NOP2: variants seen among roughly 807,000 people sequenced by gnomAD.
NOP2 encodes the protein 28S rRNA (cytosine(4447)-C(5))-methyltransferase.
In NOP2, 7 loss-of-function variants were observed where a neutral mutation model predicts 72.7. The observed-to-expected ratio is 0.10, with a 90% CI of 0.05 to 0.18. The LOEUF (loss-of-function observed/expected upper bound fraction) is 0.18. Ranked by LOEUF, NOP2 falls within the 10% of genes least tolerant of loss-of-function variation. The probability of loss-of-function intolerance (pLI) is 1.00; values close to 1 mark genes in which losing one functional copy is unlikely to be tolerated. For missense variants in NOP2, 954 were observed against 1,014.7 expected, an observed-to-expected ratio of 0.94 and a Z score of 0.81; for synonymous variants, 387 against 388.0, an observed-to-expected ratio of 1.00 and a Z score of 0.03.
intron 5 of NOP2, 110 bp downstream of exon 5, chr12:6,565,991 C>T (rs1473036087): frequency 1.1e-6 from 1 of 884,110 alleles, no homozygotes; most frequent in Non-Finnish European, 1.8e-6. Flanking sequence ...ACAAAAACCC[C>T]TTTCCTCTAG....
intron 15 of NOP2, among the ~76,000 whole-genome samples, chr12:6,559,505 C>A (rs531583926): frequency 6.6e-6 from 1 of 152,326 alleles, no homozygotes; most frequent in East Asian, 1.9e-4. Flanking sequence ...GGATTACAGG[C>A]ATGAGCCACC....
At position 6,568,212 on chromosome 12, in the gene NOP2, T is replaced by C; in HGVS notation, c.-10A>G. On this transcript the variant is annotated 5_prime_UTR_variant, in exon 1 of 16. Transcript: ENST00000322166. ...CCAATTTCCTCTAGACCCACCAGAATGCGGGTTAATGTCCGAGAGTGCCCT... is the reference window on the plus strand; with the variant it reads ...CCAATTTCCTCTAGACCCACCAGAACGCGGGTTAATGTCCGAGAGTGCCCT... The C allele has an allele frequency of 2.8e-6, 1 of 361,106 alleles. No individual in the cohort carries two copies. Among genetic ancestry groups the C allele is most frequent in the Non-Finnish European group, 5.1e-6 (1 of 197,534 alleles). The allele number at this position is 361,106 out of a possible 1,614,324, so 22.4% of individuals were successfully genotyped here.
At chr12:6,559,422 C>T (rs745650062) in intron 15 of NOP2, among the ~76,000 whole-genome samples, 1 of 152,064 alleles carries the variant, frequency 6.6e-6, no homozygotes. Flanking sequence ...CCTGGCCACA[C>T]CCAGCTAATT....
chr12:6,557,433 C>T lies in NOP2; in HGVS notation c.1999G>A (p.Val667Ile). The T allele has an allele frequency of 6.2e-7, 1 of 1,614,018 alleles. No homozygotes were observed. The stretch of plus-strand genomic sequence containing the variant: ...CTGGAGGAAGCTTGGGTCTTTGTGA[C>T]AGAAGGTACAGTGGACAATTCTGAG... Reference protein sequence around the residue: ...ADSELSTVPSVTKTQASSSFQ... With the variant: ...ADSELSTVPSITKTQASSSFQ... Residue 667 changes from valine to isoleucine, a missense_variant, in exon 16 of 16, where the codon GTC (valine) becomes ATC (isoleucine). This residue lies in a region of NOP2 where 269 missense variants were observed against 260.2 expected (regional missense o/e 1.03). Transcript: ENST00000322166.
At chr12:6,558,264 GT>G in intron 15 of NOP2, 1 of 273,168 alleles carries the variant, frequency 3.7e-6, no homozygotes, top group Non-Finnish European at 7.2e-6. Context: ...GATTCTCAGG[GT>G]TTTGGGGTTT....
At position 6,563,356 on chromosome 12, in the gene NOP2, A is replaced by T; in HGVS notation, c.847T>A (p.Phe283Ile). 1 of 1,602,382 alleles carries T rather than the reference A, an allele frequency of 6.2e-7. No homozygotes were observed. Among genetic ancestry groups the T allele is most frequent in the Non-Finnish European group, 8.5e-7 (1 of 1,174,494 alleles). The change falls in exon 8 of 16, where the codon TTC becomes ATC. Residue 283 changes from phenylalanine to isoleucine, a missense_variant. Around this residue, in one of 3 missense-constraint regions of NOP2, gnomAD observed 498 missense variants for 478.3 expected, o/e 1.04. Transcript: ENST00000322166. Reference sequence around the variant, plus strand: ...AGGTCCATGAGCTTGCCAAGCAGGAAGTCTCCATAGGAGTAGTAAATGGCC... The same window carrying T: ...AGGTCCATGAGCTTGCCAAGCAGGATGTCTCCATAGGAGTAGTAAATGGCC... ...DLAIYYSYGD[F>I]LLGKLMDLFP...
Position 6,567,808 on chromosome 12 carries a change from A to C in NOP2, c.103+8T>G, listed in dbSNP as rs763042640. 1 of 1,612,318 alleles carries C rather than the reference A, an allele frequency of 6.2e-7. No individual in the cohort carries two copies. Among genetic ancestry groups the C allele is most frequent in the East Asian group, 2.2e-5 (1 of 44,874 alleles). On this transcript the variant is annotated splice_region_variant and intron_variant, in intron 2 of 15. Transcript: ENST00000322166. The stretch of plus-strand genomic sequence containing the variant: ...CTGAGGGATCAGGAGGCCACAACTA[A>C]TCCTTACCTGCAGGCAAGAATCTGA...
rs1398980166 is a variant in NOP2, at chr12:6,556,950, C to G, written c.*43G>C. 3.1e-6 allele frequency: 5 copies of G among 1,609,140 alleles called. No homozygotes were observed. The Admixed American group carries it at 8.6e-5, about 28-fold the overall frequency. On this transcript the variant is annotated 3_prime_UTR_variant, in exon 16 of 16. Transcript: ENST00000322166. ...TCCTCACAGAGGCAAGAGTTCCAAC[C>G]TGGTGACAATGGCAGTGAGCCACCC...
intron 5 of NOP2, chr12:6,564,171 G>A (rs1947719391): frequency 7.4e-7 from 1 of 1,349,838 alleles, no homozygotes; most frequent in Non-Finnish European, 9.8e-7. Flanking sequence ...AGCTACTTGG[G>A]AAGCTGAGGC....
chr12:6,561,459 GGATGACAAAAGAGAATCCATAGTCA>G (rs1947647886), intron 11 of NOP2, among the ~76,000 whole-genome samples, 180 bp downstream of exon 11: 1 of 152,188 alleles, frequency 6.6e-6, no homozygotes, highest in Admixed American at 6.5e-5. Flanking sequence ...CCCATTTTAT[GGATGACAAAAGAGAATCCATAGTCA>G]GATGGGTAGT....
chr12:6,564,852 G>A (rs562705977), intron 5 of NOP2, among the ~76,000 whole-genome samples: 1 of 151,416 alleles, frequency 6.6e-6, no homozygotes, highest in Non-Finnish European at 1.5e-5. Flanking sequence ...ATAATGACCA[G>A]TGTAACTGCA....
rs923179081 is a variant in NOP2, at chr12:6,567,895, C to A, written c.24G>T (p.Thr8=). The A allele has an allele frequency of 6.2e-6, 10 of 1,614,016 alleles. No homozygotes were observed. Among genetic ancestry groups the A allele is most frequent in the African/African-American group, 1.3e-5 (1 of 75,062 alleles). The change falls in exon 2 of 16, where the codon ACG becomes ACT. Residue 8 remains threonine (T), a synonymous_variant. Coordinates refer to ENST00000322166, the MANE Select transcript of NOP2 (RefSeq NM_001258308.2). ...TTCGGCCTGGCCCCCGCTTCTCCTT[C>A]GTAGGGTCCAACTTGCGCCCCATGG... is the stretch of plus-strand genomic sequence containing the variant. MGRKLDP[T]KEKRGPGRKA...
At chr12:6,559,404 C>T (rs1212127542) in intron 15 of NOP2, among the ~76,000 whole-genome samples, 1 of 152,208 alleles carries the variant, frequency 6.6e-6, no homozygotes, top group African/African-American at 2.4e-5. Context: ...CAGGCGTGAG[C>T]CACCGTGCCT....
At chr12:6,559,142 G>A (rs567258618) in intron 15 of NOP2, among the ~76,000 whole-genome samples, 48 of 150,258 alleles carry the variant, frequency 3.2e-4, no homozygotes, top group African/African-American at 1.2e-3. Flanking sequence ...TTTTGGAGAC[G>A]GAGTCTCACT....
At chr12:6,567,210 A>G (rs1239636310) in intron 2 of NOP2, among the ~76,000 whole-genome samples, 2 of 152,172 alleles carry the variant, frequency 1.3e-5, no homozygotes, top group Admixed American at 1.3e-4. Context: ...TCGGCCTCCC[A>G]AAGTGTTTCC....
intron 9 of NOP2, among the ~76,000 whole-genome samples, 181 bp from the exon 10 acceptor site, chr12:6,562,152 G>A (rs1455395972): frequency 1.3e-5 from 2 of 151,930 alleles, no homozygotes; most frequent in Non-Finnish European, 2.9e-5. Context: ...CACCATGCCT[G>A]GCTAATTTTT....
chr12:6,566,659 G>C, intron 3 of NOP2, 42 bp from the exon 4 acceptor site: 1 of 1,602,850 alleles, frequency 6.2e-7, no homozygotes, highest in Non-Finnish European at 8.5e-7. Context: ...GAAATGGGAA[G>C]ATACTTCCAG....
chr12:6,560,895 G>T lies in NOP2; in HGVS notation c.1347+36C>A, dbSNP rs750899806. 5 of 1,612,934 alleles carry T rather than the reference G, an allele frequency of 3.1e-6. No individual in the cohort carries two copies. The highest frequency in any genetic ancestry group is 4.2e-6 in the Non-Finnish European group (5 of 1,179,242). On this transcript the variant is annotated intron_variant, in intron 12 of 15. Transcript: ENST00000322166. This position sits in a 1 kb window ranked among gnomAD's most constrained non-coding sequence, Gnocchi z 5.0. ...GGTCAGGAAGGGAGAAGGTCAACCG[G>T]AAGAAGCCTCAGAAGACACACAGCT...
At position 6,557,071 on chromosome 12, in the gene NOP2, G is replaced by A. The variant is rs1947498246; in HGVS notation, c.2361C>T (p.Pro787=). The change falls in exon 16 of 16, where the codon CCC becomes CCT. Residue 787 remains proline (P), a synonymous_variant. Coordinates refer to ENST00000322166, the MANE Select transcript of NOP2 (RefSeq NM_001258308.2). ...CTGGTGGGGGGCGGCTGGAACGGAT[G>A]GGAGACACAGTGGGAGGCTGAGGCC... is the stretch of plus-strand genomic sequence containing the variant. ...PKGPQPPTVS[P]IRSSRPPPAK... is the part of the protein sequence containing the mutation. The A allele has an allele frequency of 3.1e-6, 5 of 1,613,856 alleles. No individual in the cohort carries two copies. In the East Asian group the frequency reaches 1.1e-4, roughly 36 times the overall value.
Sources: allele counts gnomAD v4.1 joint callset (sites outside exome capture counted in the v4.1 genomes callset), GRCh38; gene constraint gnomAD v4.1.1; regional missense constraint gnomAD v4.1.1; non-coding constraint Gnocchi (gnomAD v3.1); transcripts MANE v1.5; gene names NCBI Gene and HGNC (gene_info 2026-07-23, HGNC 2026-07-21).